ALG9: variants seen among roughly 807,000 people sequenced by gnomAD.
ALG9 encodes alpha-1,2-mannosyltransferase ALG9.
A neutral mutation model predicts 81.8 loss-of-function variants in ALG9; 55 were observed. The observed-to-expected ratio is 0.67, with a 90% CI of 0.54 to 0.84. The LOEUF (loss-of-function observed/expected upper bound fraction) is 0.84. ALG9 is among the 40% of genes least tolerant of loss of function. ALG9 has a pLI of 0.00. For synonymous variants in ALG9, 278 were observed against 274.3 expected, an observed-to-expected ratio of 1.01 and a Z score of -0.13; for missense variants, 629 against 745.0, an observed-to-expected ratio of 0.84 and a Z score of 1.81.
chr11:111,864,255 T>G, intron 4 of ALG9: 1 of 1,089,316 alleles, frequency 9.2e-7, no homozygotes. Flanking sequence ...ACGTGCACCA[T>G]GTCTGGCTCC....
At chr11:111,770,630 T>G in the ALG9 span, among the ~76,000 whole-genome samples, 4 of 152,166 alleles carry the variant, frequency 2.6e-5, no homozygotes, top group South Asian at 8.3e-4. Context: ...GCCCAGGTGT[T>G]CGAGGCTACA....
chr11:111,777,287 G>A (rs541749442), downstream of ALG9, among the ~76,000 whole-genome samples: 43 of 152,266 alleles, frequency 2.8e-4, no homozygotes, highest in South Asian at 1.7e-3. Context: ...GGTTAGTTAC[G>A]GACATAATTT....
At chr11:111,774,422 G>A in the ALG9 span, among the ~76,000 whole-genome samples, 6 of 152,276 alleles carry the variant, frequency 3.9e-5, no homozygotes, top group African/African-American at 9.6e-5. Flanking sequence ...CCAGAATAGT[G>A]TACATAGTAT....
In ALG9 at chr11:111,783,155, A is replaced by C. The variant is rs782383121; in HGVS notation, c.*3242T>G. On this transcript the variant is annotated 3_prime_UTR_variant, in exon 15 of 15. Transcript: ENST00000616540. ...ACTCCCTCACTCACCCCATGATCAA[A>C]GGCTATTAAAAATTATCTGGGCCGG... The C allele has an allele frequency of 3.3e-5, 5 of 152,156 alleles. No homozygotes were observed. The highest frequency in any genetic ancestry group is 7.3e-5 in the Non-Finnish European group (5 of 68,070). 9.4% of individuals were successfully genotyped at this position (152,156 alleles called of 1,614,324 possible). A position where few individuals can be genotyped will look rare whatever the true frequency, so the allele number is the denominator to read the frequency against.
At chr11:111,870,444 T>C (rs1963969427) in intron 1 of ALG9, 74 bp from the exon 2 acceptor site, 1 of 1,469,012 alleles carries the variant, frequency 6.8e-7, no homozygotes, top group African/African-American at 1.5e-5. Context: ...GACCTAAATC[T>C]AGATAGAAAG....
chr11:111,871,209 G>A, intron 1 of ALG9, 143 bp downstream of exon 1: 10 of 1,309,482 alleles, frequency 7.6e-6, no homozygotes, highest in Non-Finnish European at 9.7e-6. Flanking sequence ...AAGACCAATA[G>A]GACCTAGCTG....
intron 14 of ALG9, among the ~76,000 whole-genome samples, chr11:111,795,233 G>C (rs1341095838): frequency 3.9e-5 from 6 of 152,122 alleles, no homozygotes; most frequent in Non-Finnish European, 7.4e-5. Flanking sequence ...AGAGCATCTG[G>C]TTTACCTCCC....
At chr11:111,871,053 C>T (rs1272003499) in intron 1 of ALG9, 1 of 1,131,410 alleles carries the variant, frequency 8.8e-7, no homozygotes, top group East Asian at 5.1e-5. Flanking sequence ...AAAAGGTATA[C>T]TCTTTGATCC....
chr11:111,792,057 T>C (rs1234311768), intron 14 of ALG9, among the ~76,000 whole-genome samples: 1 of 152,204 alleles, frequency 6.6e-6, no homozygotes, highest in Non-Finnish European at 1.5e-5. Context: ...CACTCCAGCC[T>C]GGGTGACAGG....
chr11:111,803,536 T>C (rs1369420404), intron 14 of ALG9, among the ~76,000 whole-genome samples: 5 of 147,674 alleles, frequency 3.4e-5, no homozygotes, highest in African/African-American at 9.9e-5. Flanking sequence ...AGTTGGGGGA[T>C]TGACACTACC....
At chr11:111,789,987 A>T (rs561106524) in intron 14 of ALG9, among the ~76,000 whole-genome samples, 7 of 152,190 alleles carry the variant, frequency 4.6e-5, no homozygotes, top group Admixed American at 3.3e-4. Flanking sequence ...GGAAAAAAAA[A>T]TTTCCTGATC....
At chr11:111,851,601 T>C (rs782391248) in intron 8 of ALG9, among the ~76,000 whole-genome samples, 3 of 152,060 alleles carry the variant, frequency 2.0e-5, no homozygotes. Context: ...TAACCCATTA[T>C]AAAGGTGGAG....
At chr11:111,805,676 G>C (rs1949816868) in intron 14 of ALG9, among the ~76,000 whole-genome samples, 1 of 152,256 alleles carries the variant, frequency 6.6e-6, no homozygotes, top group Non-Finnish European at 1.5e-5. Context: ...GAGCATGGAA[G>C]TAGAACAGAG....
chr11:111,838,382 G>C lies in ALG9; in HGVS notation c.1191C>G (p.Phe397Leu). The C allele has an allele frequency of 1.9e-6, 3 of 1,612,296 alleles. No individual in the cohort carries two copies. Among genetic ancestry groups the C allele is most frequent in the Non-Finnish European group, 1.7e-6 (2 of 1,178,334 alleles). The change falls in exon 11 of 15, where the codon TTC (phenylalanine) becomes TTG (leucine). Residue 397 changes from phenylalanine (F) to leucine (L), a missense_variant. Physicochemically the swap from Phe to Leu is conservative, Grantham distance 22. Transcript: ENST00000616540. ...GAAACACAAAGTGGTAACATTTCTG[G>C]AAGTACAGAAAACTGTGCTGATAAA... ...LSALQHSFLY[F>L]QKCYHFVFQR... is the part of the protein sequence containing the mutation.
Position 111,785,365 on chromosome 11 carries a change from T to TA in ALG9, c.*1031dup, listed in dbSNP as rs1206981673. ...GGCTTTTAAAGTAATAGTATACACT[T>TA]ATCACATTTTAATTAGGTCCTTATC... is the stretch of plus-strand genomic sequence containing the variant. On this transcript the variant is annotated 3_prime_UTR_variant, in exon 15 of 15. Coordinates refer to ENST00000616540, the MANE Select transcript of ALG9 (RefSeq NM_024740.2). 2 of 152,410 alleles carry TA rather than the reference T, an allele frequency of 1.3e-5. No homozygotes were observed. The highest frequency in any genetic ancestry group is 1.3e-4 in the Admixed American group (2 of 15,298). 9.4% of individuals were successfully genotyped at this position (152,410 alleles called of 1,614,324 possible).
Position 111,853,723 on chromosome 11 carries a change from A to T in ALG9, c.715T>A (p.Phe239Ile), listed in dbSNP as rs1566130163. The T allele has an allele frequency of 6.2e-7, 1 of 1,613,856 alleles. No homozygotes were observed. The highest frequency in any genetic ancestry group is 1.3e-5 in the African/African-American group (1 of 74,930). ...CTGTGTTTCATGACCAGCAAATCAA[A>T]GGCAATGGGTAAACTATTTAACAGA... ...FSAALGLPIAFDLLVMKHRWK... is the reference protein window; with the variant it reads ...FSAALGLPIAIDLLVMKHRWK... The change falls in exon 7 of 15, where the codon TTT becomes ATT. Residue 239 changes from phenylalanine to isoleucine, a missense_variant. Physicochemically the swap from Phe to Ile is conservative, Grantham distance 21. This residue lies in a region of ALG9 where 344 missense variants were observed against 390.5 expected (regional missense o/e 0.88). Transcript: ENST00000616540.
At chr11:111,859,171 A>G (rs1555145770) in intron 5 of ALG9, among the ~76,000 whole-genome samples, 1 of 152,144 alleles carries the variant, frequency 6.6e-6, no homozygotes. Flanking sequence ...GTGCCACTGC[A>G]CTCTAACCTG....
chr11:111,864,164 G>A (rs1961419707), intron 4 of ALG9: 2 of 559,642 alleles, frequency 3.6e-6, no homozygotes, highest in Non-Finnish European at 6.5e-6. Flanking sequence ...AAAAAGAAGA[G>A]AACAATAAAT....
At chr11:111,835,341 T>C (rs1440073610) in intron 13 of ALG9, among the ~76,000 whole-genome samples, 1 of 152,216 alleles carries the variant, frequency 6.6e-6, no homozygotes, top group Non-Finnish European at 1.5e-5. Context: ...AGGTATCAAA[T>C]GTCAAAAGTG....
Sources: gnomAD v4.1 joint callset for allele counts (sites outside exome capture counted in the v4.1 genomes callset) on GRCh38, gnomAD v4.1.1 for gene constraint, gnomAD v4.1.1 regional missense constraint, MANE v1.5 for transcripts, NCBI Gene and HGNC (gene_info 2026-07-23, HGNC 2026-07-21) for gene names.